The following MB variants were observed in gnomAD, a reference collection of about 807,000 sequenced individuals.
The protein encoded by MB is nitrite reductase MB.
A neutral mutation model predicts 14.5 loss-of-function variants in MB; 10 were observed. The ratio of observed to expected loss-of-function variants is 0.69; its 90% CI spans 0.43 to 1.17. The LOEUF (loss-of-function observed/expected upper bound fraction) is 1.17. Ranked by LOEUF, MB falls within the 50% of genes most tolerant of loss-of-function variation. MB has a pLI of 0.00. For synonymous variants in MB, 89 were observed against 78.6 expected (o/e 1.13, Z -0.70); for missense variants, 169 against 192.7 (o/e 0.88, Z 0.73).
chr22:35,614,543 C>T (rs1922912085), intron 1 of MB, among the ~76,000 whole-genome samples: 1 of 150,428 alleles, frequency 6.6e-6, no homozygotes, highest in Admixed American at 6.6e-5. Context: ...AATTTGAATT[C>T]CAGCTCCTTT....
chr22:35,616,615 T>C (rs950427860), intron 1 of MB, among the ~76,000 whole-genome samples: 13 of 152,178 alleles, frequency 8.5e-5, no homozygotes, highest in African/African-American at 3.1e-4. Context: ...AGGATATAGA[T>C]ATTAGGATAT....
intron 2 of MB, among the ~76,000 whole-genome samples, chr22:35,610,207 A>C (rs2145912778): frequency 6.6e-6 from 1 of 152,184 alleles, no homozygotes; most frequent in African/African-American, 2.4e-5. Context: ...TTATAGACAC[A>C]CAACCTGAAG....
At chr22:35,621,777 C>T (rs868632208), upstream of MB, among the ~76,000 whole-genome samples, 5 of 152,198 alleles carry the variant, frequency 3.3e-5, no homozygotes, top group Non-Finnish European at 5.9e-5. Flanking sequence ...GCAGGCTCAC[C>T]CAAGACTTTT....
intron 2 of MB, 125 bp downstream of exon 2, chr22:35,610,759 G>A (rs1922545485): frequency 1.4e-6 from 1 of 715,298 alleles, no homozygotes; most frequent in African/African-American, 1.8e-5. Context: ...GAAACCTGGG[G>A]CACAGAGAAG....
upstream of MB, among the ~76,000 whole-genome samples, chr22:35,620,160 C>T (rs981440898): frequency 1.4e-4 from 22 of 152,108 alleles, no homozygotes; most frequent in African/African-American, 5.3e-4. Flanking sequence ...ATGTTCAAGC[C>T]CTGTCTCTAC....
At chr22:35,619,585 A>G (rs961214311), upstream of MB, among the ~76,000 whole-genome samples, 10 of 152,238 alleles carry the variant, frequency 6.6e-5, no homozygotes, top group Admixed American at 6.5e-4. Context: ...GAGAAAGCCA[A>G]TGTCAGGGCT....
At chr22:35,610,535 C>A (rs1040046864) in intron 2 of MB, among the ~76,000 whole-genome samples, 9 of 152,158 alleles carry the variant, frequency 5.9e-5, no homozygotes, top group Non-Finnish European at 1.3e-4. Context: ...GCTGCTTAAC[C>A]TCTGTGAGCC....
chr22:35,611,513 C>A (rs1922628506), intron 1 of MB, among the ~76,000 whole-genome samples: 1 of 152,160 alleles, frequency 6.6e-6, no homozygotes, highest in African/African-American at 2.4e-5. Flanking sequence ...AGCTTCCTGC[C>A]CAGGGATTGT....
At chr22:35,611,681 C>T (rs376117033) in intron 1 of MB, among the ~76,000 whole-genome samples, 1 of 152,166 alleles carries the variant, frequency 6.6e-6, no homozygotes, top group Non-Finnish European at 1.5e-5. Context: ...GTGCAGATGA[C>T]GAAGGGTCCT....
upstream of MB, among the ~76,000 whole-genome samples, chr22:35,619,410 G>C (rs567170283): frequency 1.3e-5 from 2 of 152,304 alleles, no homozygotes; most frequent in South Asian, 4.1e-4. Flanking sequence ...GCCAGTGTTT[G>C]GGCCATCCTG....
chr22:35,611,087 C>G lies in MB; in HGVS notation c.115G>C (p.Glu39Gln). 2 of 1,614,060 alleles carry G rather than the reference C, an allele frequency of 1.2e-6. No homozygotes were observed. The highest frequency in any genetic ancestry group is 1.7e-6 in the Non-Finnish European group (2 of 1,180,004). Residue 39 changes from glutamate to glutamine, a missense_variant, in exon 2 of 3, where the codon GAG becomes CAG. By Grantham distance (29) the Glu-to-Gln change is conservative (BLOSUM62 2). Transcript: ENST00000397326. ...VLIRLFKGHP[E>Q]TLEKFDKFKH... ...AACTTGTCAAACTTCTCCAGAGTCT[C>G]TGGGTGACCCTTAAAGAGCCTGTGG...
rs1001723928 is a variant in MB, at chr22:35,607,022, A to G, written c.*275T>C. ...TGGAAGAAGTTCGGTTGGGATTTAG[A>G]AGAAAGGACAATTAATTCAGATCCA... On this transcript the variant is annotated 3_prime_UTR_variant, in exon 3 of 3. Transcript: ENST00000397326. 8 of 337,278 alleles carry G rather than the reference A, an allele frequency of 2.4e-5. No homozygotes were observed. The highest frequency in any genetic ancestry group is 3.8e-5 in the Non-Finnish European group (7 of 185,768). 20.9% of individuals were successfully genotyped at this position (337,278 alleles called of 1,614,324 possible).
At chr22:35,612,953 A>G (rs935646145) in intron 1 of MB, among the ~76,000 whole-genome samples, 15 of 152,062 alleles carry the variant, frequency 9.9e-5, no homozygotes, top group African/African-American at 3.4e-4. Flanking sequence ...AGACACGCAC[A>G]AGCCTGAACC....
intron 2 of MB, among the ~76,000 whole-genome samples, chr22:35,609,506 G>A (rs1325883772): frequency 1.3e-5 from 2 of 152,190 alleles, no homozygotes; most frequent in Non-Finnish European, 2.9e-5. Context: ...GGGGTGGGGT[G>A]CAAAGGTCGA....
intron 2 of MB, 127 bp from the exon 3 acceptor site, chr22:35,607,570 G>T (rs1922250115): frequency 1.2e-6 from 1 of 842,978 alleles, no homozygotes; most frequent in Non-Finnish European, 1.9e-6. Context: ...CTAGGCACCA[G>T]GTGAGAGTCT....
chr22:35,617,399 C>T, upstream of MB: 1 of 626,388 alleles, frequency 1.6e-6, no homozygotes, highest in Non-Finnish European at 2.9e-6. Flanking sequence ...CAATGGCTCG[C>T]TGTCCCCCTC....
chr22:35,620,282 C>T (rs537233334), upstream of MB, among the ~76,000 whole-genome samples: 9 of 152,152 alleles, frequency 5.9e-5, no homozygotes, highest in South Asian at 2.1e-4. Flanking sequence ...TGCAGTGAGC[C>T]GAGATCGCTG....
rs368213282 is a variant in MB, at chr22:35,607,110, G to A, written c.*187C>T. The A allele has an allele frequency of 1.1e-4, 63 of 560,628 alleles. No individual in the cohort carries two copies. Among genetic ancestry groups the A allele is most frequent in the African/African-American group, 1.1e-3 (60 of 54,186 alleles). The allele number at this position is 560,628 out of a possible 1,614,324, so 34.7% of individuals were successfully genotyped here. A position where few individuals can be genotyped will look rare whatever the true frequency, so the allele number is the denominator to read the frequency against. ...GTTCCCAGGGTGATGACATCCCACAGGGAGGCGCATCGCTGGGCATGCAAA... is the reference window on the plus strand; with the variant it reads ...GTTCCCAGGGTGATGACATCCCACAAGGAGGCGCATCGCTGGGCATGCAAA... On this transcript the variant is annotated 3_prime_UTR_variant, in exon 3 of 3. Coordinates refer to ENST00000397326, the MANE Select transcript of MB (RefSeq NM_005368.3).
upstream of MB, among the ~76,000 whole-genome samples, chr22:35,619,708 G>T (rs948813571): frequency 2.6e-5 from 4 of 152,242 alleles, no homozygotes; most frequent in Admixed American, 1.3e-4. Context: ...GCTAGAAAAA[G>T]AGTTAAATTC....
Sources: allele counts gnomAD v4.1 joint callset (sites outside exome capture counted in the v4.1 genomes callset), GRCh38; gene constraint gnomAD v4.1.1; transcripts MANE v1.5; gene names NCBI Gene and HGNC (gene_info 2026-07-23, HGNC 2026-07-21).